Variants in SLC38A12 observed in about 807,000 individuals in gnomAD.
The protein encoded by SLC38A12 is putative sodium-coupled neutral amino acid transporter 12.
the SLC38A12 span, among the ~76,000 whole-genome samples, chr17:74,826,562 G>A: frequency 6.6e-6 from 1 of 152,196 alleles, no homozygotes; most frequent in Non-Finnish European, 1.5e-5. Flanking sequence ...GGCAAAGCTG[G>A]CATATGCTGG....
the SLC38A12 span, among the ~76,000 whole-genome samples, chr17:74,819,574 C>T: frequency 6.6e-6 from 1 of 152,202 alleles, no homozygotes; most frequent in African/African-American, 2.4e-5. Context: ...TTTGTTCCAC[C>T]CCTGGCACTG....
At chr17:74,805,245 CCTTTTG>C in the SLC38A12 span, among the ~76,000 whole-genome samples, 1 of 152,242 alleles carries the variant, frequency 6.6e-6, no homozygotes, top group Non-Finnish European at 1.5e-5. This position sits in a 1 kb window ranked among gnomAD's most constrained non-coding sequence, Gnocchi z 5.0. Flanking sequence ...CCCGTGCCTG[CCTTTTG>C]CAGGGAAAGG....
the SLC38A12 span, chr17:74,795,638 T>C: frequency 1.2e-6 from 2 of 1,611,348 alleles, no homozygotes; most frequent in Non-Finnish European, 1.7e-6. Context: ...ACTTGGTGAG[T>C]GTCTGTGCCT....
chr17:74,820,002 A>G, the SLC38A12 span, among the ~76,000 whole-genome samples: 3 of 152,234 alleles, frequency 2.0e-5, no homozygotes, highest in Non-Finnish European at 2.9e-5. Flanking sequence ...CCAAAGGATA[A>G]GGAGGGGGCT....
chr17:74,835,992 C>A, the SLC38A12 span: 1 of 1,612,112 alleles, frequency 6.2e-7, no homozygotes, highest in Non-Finnish European at 8.5e-7. Context: ...GGGGCACCCG[C>A]CCCTGGCTGA....
chr17:74,828,837 G>C, the SLC38A12 span, among the ~76,000 whole-genome samples: 3 of 152,228 alleles, frequency 2.0e-5, no homozygotes, highest in South Asian at 6.2e-4. Flanking sequence ...GAGGAGTCCT[G>C]GACCAAGGTT....
the SLC38A12 span, among the ~76,000 whole-genome samples, chr17:74,782,075 C>A: frequency 6.6e-6 from 1 of 152,160 alleles, no homozygotes; most frequent in Non-Finnish European, 1.5e-5. Context: ...CTTCATAACG[C>A]CTCTCTCAAG....
the SLC38A12 span, among the ~76,000 whole-genome samples, chr17:74,815,323 G>C: frequency 6.6e-6 from 1 of 152,214 alleles, no homozygotes; most frequent in African/African-American, 2.4e-5. Context: ...AGGACCAGTG[G>C]CTGGGACAAT....
At chr17:74,779,549 C>T in the SLC38A12 span, among the ~76,000 whole-genome samples, 1 of 152,196 alleles carries the variant, frequency 6.6e-6, no homozygotes, top group Non-Finnish European at 1.5e-5. Context: ...CTCCCCCGTC[C>T]TGGAACAATT....
the SLC38A12 span, chr17:74,838,714 T>C: frequency 1.4e-6 from 2 of 1,440,282 alleles, no homozygotes; most frequent in Non-Finnish European, 1.8e-6. Flanking sequence ...TCTCCATCGA[T>C]GCCAGGCTTC....
chr17:74,819,212 G>A, the SLC38A12 span, among the ~76,000 whole-genome samples: 3 of 152,188 alleles, frequency 2.0e-5, no homozygotes, highest in Non-Finnish European at 4.4e-5. Context: ...AGTCAAAAAC[G>A]TGGCCCATGC....
chr17:74,824,234 C>A, the SLC38A12 span, among the ~76,000 whole-genome samples: 1 of 152,340 alleles, frequency 6.6e-6, no homozygotes, highest in Non-Finnish European at 1.5e-5. Context: ...CCGCCCCCAG[C>A]ATCTACTCCC....
chr17:74,805,375 G>T, the SLC38A12 span, among the ~76,000 whole-genome samples: 501 of 152,356 alleles, frequency 3.3e-3, 2 homozygotes, highest in African/African-American at 0.011. This position sits in a 1 kb window ranked among gnomAD's most constrained non-coding sequence, Gnocchi z 5.0. Flanking sequence ...TTTGTCACTT[G>T]CGGCTGACGG....
the SLC38A12 span, chr17:74,795,763 A>G: frequency 3.4e-3 from 2,457 of 715,472 alleles, 45 homozygotes; most frequent in African/African-American, 0.038. Flanking sequence ...CACTCTGGCT[A>G]AGCACTGGGG....
the SLC38A12 span, chr17:74,788,872 T>C: frequency 6.2e-7 from 1 of 1,612,126 alleles, no homozygotes; most frequent in African/African-American, 1.3e-5. Context: ...AACCTCAAGG[T>C]GTGTGTGTTG....
At chr17:74,792,015 A>C in the SLC38A12 span, among the ~76,000 whole-genome samples, 2 of 151,962 alleles carry the variant, frequency 1.3e-5, no homozygotes, top group African/African-American at 4.8e-5. Flanking sequence ...GCATGGTGGC[A>C]GGCGCCTGTA....
At chr17:74,779,018 C>G in the SLC38A12 span, among the ~76,000 whole-genome samples, 1 of 152,168 alleles carries the variant, frequency 6.6e-6, no homozygotes. Flanking sequence ...TAGTGTCCCT[C>G]TCATTTGTGG....
chr17:74,804,714 A>G, the SLC38A12 span, among the ~76,000 whole-genome samples: 1 of 152,198 alleles, frequency 6.6e-6, no homozygotes, highest in Non-Finnish European at 1.5e-5. Flanking sequence ...TCCTTCAACC[A>G]TGGATTGAGA....
At chr17:74,781,696 G>A in the SLC38A12 span, among the ~76,000 whole-genome samples, 14 of 152,316 alleles carry the variant, frequency 9.2e-5, no homozygotes, top group Admixed American at 2.0e-4. Flanking sequence ...CTACAGAAGC[G>A]ATAAGCAGAG....
Sources: allele counts gnomAD v4.1 joint callset (sites outside exome capture counted in the v4.1 genomes callset), GRCh38; gene constraint gnomAD v4.1.1; non-coding constraint Gnocchi (gnomAD v3.1); transcripts MANE v1.5; gene names NCBI Gene and HGNC (gene_info 2026-07-23, HGNC 2026-07-21).